The following POC1B variants were observed in gnomAD, a reference collection of about 807,000 sequenced individuals.
The protein encoded by POC1B is POC1 centriolar protein homolog B.
A neutral mutation model predicts 60.6 loss-of-function variants in POC1B; 44 were observed. The ratio of observed to expected loss-of-function variants is 0.73; its 90% CI spans 0.57 to 0.93. POC1B has a LOEUF of 0.93. POC1B is among the 40% of genes least tolerant of loss of function. The pLI is 0.00. For synonymous variants in POC1B, 180 were observed against 198.9 expected (o/e 0.90, Z 0.80); for missense variants, 555 against 572.3 (o/e 0.97, Z 0.31).
intron 4 of POC1B, among the ~76,000 whole-genome samples, chr12:89,480,837 T>C (rs1293571281): frequency 6.6e-6 from 1 of 152,180 alleles, no homozygotes; most frequent in Non-Finnish European, 1.5e-5. Flanking sequence ...CCTGACCTTG[T>C]GATCTGCCCG....
chr12:89,481,849 A>G (rs1242395471), intron 4 of POC1B, among the ~76,000 whole-genome samples: 6 of 152,154 alleles, frequency 3.9e-5, no homozygotes, highest in African/African-American at 1.4e-4. Context: ...TTGAAATTCT[A>G]GAAGGGCCAG....
At chr12:89,524,565 T>G in intron 2 of POC1B, 5 of 1,610,142 alleles carry the variant, frequency 3.1e-6, no homozygotes, top group Non-Finnish European at 4.2e-6. Flanking sequence ...TTCTCAGGGC[T>G]GAGGCGCAGA....
chr12:89,403,732 G>A, the POC1B span, among the ~76,000 whole-genome samples: 2 of 152,102 alleles, frequency 1.3e-5, no homozygotes, highest in Admixed American at 6.6e-5. Flanking sequence ...TTCCAGGAAC[G>A]AGCTACACTC....
At chr12:89,435,687 T>C (rs1024329706) in intron 10 of POC1B, among the ~76,000 whole-genome samples, 14 of 152,174 alleles carry the variant, frequency 9.2e-5, no homozygotes, top group African/African-American at 3.4e-4. Context: ...ACAATGGCTA[T>C]GTTTACATAG....
intron 3 of POC1B, among the ~76,000 whole-genome samples, chr12:89,492,721 T>C (rs962001824): frequency 1.3e-5 from 2 of 152,164 alleles, no homozygotes; most frequent in Admixed American, 1.3e-4. Flanking sequence ...GACATCCGCC[T>C]GTGTCCAAGC....
chr12:89,476,936 T>C (rs934475919), intron 4 of POC1B, among the ~76,000 whole-genome samples: 2 of 152,186 alleles, frequency 1.3e-5, no homozygotes, highest in Non-Finnish European at 2.9e-5. Flanking sequence ...AGAGGAACTC[T>C]GAAGCCAACA....
downstream of POC1B, among the ~76,000 whole-genome samples, chr12:89,415,907 G>C (rs2120615332): frequency 6.6e-6 from 1 of 152,320 alleles, no homozygotes; most frequent in South Asian, 2.1e-4. Context: ...ACAACTGGCA[G>C]GTTATAGCAG....
In POC1B at chr12:89,425,375, G is replaced by C. The variant is rs758808269; in HGVS notation, c.1118C>G (p.Thr373Arg). 1 of 1,611,762 alleles carries C rather than the reference G, an allele frequency of 6.2e-7. No individual in the cohort carries two copies. The highest frequency in any genetic ancestry group is 1.7e-5 in the Admixed American group (1 of 59,632). ...DILSFDSTTTTETSGRTLPDK... is the reference protein window; with the variant it reads ...DILSFDSTTTRETSGRTLPDK... ...TGGCAGAGTCCTACCACTGGTTTCTGTTGTCTTTAATGTCACAGAAAATGT... is the reference window on the plus strand; with the variant it reads ...TGGCAGAGTCCTACCACTGGTTTCTCTTGTCTTTAATGTCACAGAAAATGT... The change falls in exon 11 of 12, where the codon ACA becomes AGA. Residue 373 changes from threonine (T) to arginine (R), a missense_variant. Thr to Arg is a moderately conservative substitution (Grantham distance 71). Transcript: ENST00000313546.
At chr12:89,507,523 C>G (rs967153482) in intron 2 of POC1B, among the ~76,000 whole-genome samples, 3 of 152,074 alleles carry the variant, frequency 2.0e-5, no homozygotes, top group African/African-American at 7.2e-5. Context: ...TCATCTTCAA[C>G]GGGTCTATTT....
In POC1B at chr12:89,525,240, G is replaced by A. The variant is rs745794560; in HGVS notation, c.16-36C>T. 27 of 1,588,036 alleles carry A rather than the reference G, an allele frequency of 1.7e-5. No individual in the cohort carries two copies. The Admixed American group carries it at 2.1e-4, about 12-fold the overall frequency. On this transcript the variant is annotated intron_variant, in intron 1 of 11. Coordinates refer to ENST00000313546, the MANE Select transcript of POC1B (RefSeq NM_172240.3). ...AAGTTGTCAAGTTTTGAAAGCCGCC[G>A]CAGACCTCGAATTCTGGCGGCTGGG...
chr12:89,480,740 A>G (rs1476859978), intron 4 of POC1B, among the ~76,000 whole-genome samples: 2 of 151,622 alleles, frequency 1.3e-5, no homozygotes, highest in Non-Finnish European at 2.9e-5. Context: ...AGCTGGGACT[A>G]CAGGCGCCCG....
intron 10 of POC1B, among the ~76,000 whole-genome samples, chr12:89,441,530 C>T (rs960386544): frequency 5.3e-5 from 8 of 152,186 alleles, no homozygotes; most frequent in African/African-American, 1.7e-4. Context: ...CCAGCAAACT[C>T]CAACAGACCT....
chr12:89,449,057 T>A (rs1881924770), intron 10 of POC1B, among the ~76,000 whole-genome samples: 1 of 152,198 alleles, frequency 6.6e-6, no homozygotes. Context: ...TTTACTTAAG[T>A]TAAATCATAC....
intron 2 of POC1B, among the ~76,000 whole-genome samples, chr12:89,507,544 T>C (rs764120491): frequency 3.9e-5 from 6 of 152,134 alleles, no homozygotes; most frequent in Non-Finnish European, 8.8e-5. Flanking sequence ...CGAGATAAAA[T>C]GTCAAAAGGG....
At chr12:89,525,778 T>A (rs1037684857) in intron 1 of POC1B, 103 bp downstream of exon 1, 30 of 1,375,824 alleles carry the variant, frequency 2.2e-5, no homozygotes, top group Non-Finnish European at 2.5e-5. Context: ...TACGGACACC[T>A]GCCTCCATCT....
intron 2 of POC1B, among the ~76,000 whole-genome samples, chr12:89,511,174 A>T (rs1870167146): frequency 6.6e-6 from 1 of 151,994 alleles, no homozygotes; most frequent in South Asian, 2.1e-4. Flanking sequence ...TGTAAGCCCA[A>T]CACTTTGGGA....
At chr12:89,524,110 G>C (rs770415782) in intron 2 of POC1B, 2 of 1,613,868 alleles carry the variant, frequency 1.2e-6, no homozygotes, top group Admixed American at 1.7e-5. Context: ...AGTCGACCAG[G>C]CTTCGTTATA....
the POC1B span, among the ~76,000 whole-genome samples, chr12:89,406,734 C>T: frequency 6.6e-6 from 1 of 151,820 alleles, no homozygotes; most frequent in Non-Finnish European, 1.5e-5. Flanking sequence ...TGAAGACAAG[C>T]AGAAAAGGTA....
intron 4 of POC1B, among the ~76,000 whole-genome samples, chr12:89,473,321 G>A (rs181906941): frequency 6.6e-6 from 1 of 152,160 alleles, no homozygotes; most frequent in Non-Finnish European, 1.5e-5. Context: ...TGCATCTGGC[G>A]TTCACAGATT....
Sources: gnomAD v4.1 joint callset for allele counts (sites outside exome capture counted in the v4.1 genomes callset) on GRCh38, gnomAD v4.1.1 for gene constraint, MANE v1.5 for transcripts, NCBI Gene and HGNC (gene_info 2026-07-23, HGNC 2026-07-21) for gene names.